The following SRGAP3 variants were observed in gnomAD, a reference collection of about 807,000 sequenced individuals.
SRGAP3 encodes the protein SLIT-ROBO Rho GTPase activating protein 3.
In SRGAP3, 39 loss-of-function variants were observed where a neutral mutation model predicts 121.1. The ratio of observed to expected loss-of-function variants is 0.32; its 90% CI spans 0.25 to 0.42. SRGAP3 has a LOEUF of 0.42. Among genes scored for constraint, SRGAP3 ranks in the 10% least tolerant of loss-of-function variants. The probability of loss-of-function intolerance (pLI) is 1.00; values close to 1 mark genes in which losing one functional copy is unlikely to be tolerated. For missense variants in SRGAP3, 1,213 were observed against 1,470.6 expected (o/e 0.82, Z 2.86); for synonymous variants, 601 against 570.0 (o/e 1.05, Z -0.77).
chr3:9,041,897 T>C (rs1310456923), intron 10 of SRGAP3, among the ~76,000 whole-genome samples: 1 of 152,104 alleles, frequency 6.6e-6, no homozygotes, highest in Non-Finnish European at 1.5e-5. Flanking sequence ...GGTCAGGAGT[T>C]TGAGACCAGC....
intron 1 of SRGAP3, among the ~76,000 whole-genome samples, chr3:9,203,858 G>C (rs1317343316): frequency 6.6e-6 from 1 of 152,196 alleles, no homozygotes; most frequent in Non-Finnish European, 1.5e-5. Flanking sequence ...GATTTCATTT[G>C]ATCCTCATAA....
chr3:9,227,833 C>T (rs1045167077), intron 1 of SRGAP3, among the ~76,000 whole-genome samples: 2 of 152,192 alleles, frequency 1.3e-5, no homozygotes, highest in South Asian at 2.1e-4. Context: ...TACAGCAGCA[C>T]TTCTTGTTGG....
intron 2 of SRGAP3, among the ~76,000 whole-genome samples, chr3:9,111,717 T>C (rs1948630368): frequency 6.6e-6 from 1 of 152,130 alleles, no homozygotes; most frequent in South Asian, 2.1e-4. Context: ...CCCTTTGACC[T>C]GAGATCCAGC....
intron 8 of SRGAP3, among the ~76,000 whole-genome samples, chr3:9,055,008 C>T (rs891855809): frequency 6.6e-6 from 1 of 152,170 alleles, no homozygotes; most frequent in African/African-American, 2.4e-5. Flanking sequence ...ATTTAAATTC[C>T]ATTAACATTA....
intron 1 of SRGAP3, among the ~76,000 whole-genome samples, chr3:9,187,090 C>T (rs1249831774): frequency 6.6e-6 from 1 of 152,048 alleles, no homozygotes; most frequent in Non-Finnish European, 1.5e-5. Context: ...TTAGGTATTT[C>T]TCCTAATGCT....
intron 14 of SRGAP3, among the ~76,000 whole-genome samples, chr3:9,017,667 A>T (rs1490091630): frequency 6.6e-6 from 1 of 152,196 alleles, no homozygotes; most frequent in Non-Finnish European, 1.5e-5. Flanking sequence ...AAGTAACGTT[A>T]TGATGATGAT....
At chr3:9,027,284 T>C (rs535917481) in intron 12 of SRGAP3, among the ~76,000 whole-genome samples, 1 of 152,314 alleles carries the variant, frequency 6.6e-6, no homozygotes, top group African/African-American at 2.4e-5. Context: ...ACTTGGGCAG[T>C]GGAGAGGGAA....
chr3:9,079,438 C>T (rs1423025718), intron 4 of SRGAP3, among the ~76,000 whole-genome samples: 1 of 152,190 alleles, frequency 6.6e-6, no homozygotes, highest in Non-Finnish European at 1.5e-5. Context: ...TAAAACTCAT[C>T]TCAAGCACAG....
At chr3:9,244,492 C>T (rs1245929295) in intron 1 of SRGAP3, among the ~76,000 whole-genome samples, 1 of 151,008 alleles carries the variant, frequency 6.6e-6, no homozygotes, top group African/African-American at 2.4e-5. Context: ...AATTTTCTAT[C>T]AGGTTGCAAT....
chr3:9,176,059 C>T (rs1158510498), intron 1 of SRGAP3, among the ~76,000 whole-genome samples: 3 of 152,146 alleles, frequency 2.0e-5, no homozygotes, highest in Non-Finnish European at 2.9e-5. Context: ...GTAGCTGGGA[C>T]TACAGGCACG....
upstream of SRGAP3, among the ~76,000 whole-genome samples, chr3:9,250,377 C>T (rs975083461): frequency 6.6e-6 from 1 of 152,168 alleles, no homozygotes; most frequent in Admixed American, 6.5e-5. Context: ...CAGTTTCCAC[C>T]ATTCATGCTA....
chr3:9,343,661 T>C (rs1214879635), intron 1 of SRGAP3, among the ~76,000 whole-genome samples: 2 of 152,148 alleles, frequency 1.3e-5, no homozygotes, highest in African/African-American at 2.4e-5. Context: ...TTATGCATAC[T>C]CTTATATGCT....
chr3:9,056,919 T>C (rs756090113), intron 7 of SRGAP3, among the ~76,000 whole-genome samples: 5 of 152,158 alleles, frequency 3.3e-5, no homozygotes, highest in Non-Finnish European at 7.4e-5. Flanking sequence ...TCTCACTCTG[T>C]CACCCAGGCT....
At chr3:9,050,950 G>T (rs1030020087) in intron 9 of SRGAP3, among the ~76,000 whole-genome samples, 1 of 151,690 alleles carries the variant, frequency 6.6e-6, no homozygotes, top group Non-Finnish European at 1.5e-5. Context: ...GATGGAGGTG[G>T]AAGTTAGAAT....
chr3:9,239,094 G>A lies in SRGAP3; in HGVS notation c.67+9791C>T, dbSNP rs1953531348. The stretch of plus-strand genomic sequence containing the variant: ...CTGTCACCCCCAGCAGAATAAAGAT[G>A]TGAGGCCGGCCGCAGTGGCTCACAC... On this transcript the variant is annotated intron_variant, in intron 1 of 21. Coordinates refer to ENST00000383836, the MANE Select transcript of SRGAP3 (RefSeq NM_014850.4). The surrounding 1 kb of genome is among the most constrained non-coding windows in gnomAD (Gnocchi z 4.0). Among the ~76,000 whole-genome samples, 3 of 152,154 alleles carry A rather than the reference G, an allele frequency of 2.0e-5. No homozygotes were observed. Among genetic ancestry groups the A allele is most frequent in the African/African-American group, 7.2e-5 (3 of 41,434 alleles).
intron 1 of SRGAP3, among the ~76,000 whole-genome samples, chr3:9,138,045 G>A (rs1303545573): frequency 3.3e-5 from 5 of 152,178 alleles, no homozygotes; most frequent in East Asian, 1.9e-4. Context: ...TTCCAGCTGC[G>A]TCCTCTGACT....
intron 1 of SRGAP3, among the ~76,000 whole-genome samples, chr3:9,360,801 T>C (rs2030757566): frequency 6.6e-6 from 1 of 152,180 alleles, no homozygotes; most frequent in Non-Finnish European, 1.5e-5. Context: ...CCTCCCACAA[T>C]ATATGGGAAT....
chr3:9,333,254 G>C (rs1233036481), intron 1 of SRGAP3, among the ~76,000 whole-genome samples: 1 of 152,186 alleles, frequency 6.6e-6, no homozygotes, highest in Non-Finnish European at 1.5e-5. Flanking sequence ...AAATACTGTA[G>C]TGGTGTTTAG....
At chr3:9,042,223 G>C (rs1945051404) in intron 10 of SRGAP3, among the ~76,000 whole-genome samples, 1 of 151,774 alleles carries the variant, frequency 6.6e-6, no homozygotes, top group Non-Finnish European at 1.5e-5. Context: ...AAATCAATAA[G>C]ATATTTTCTA....
Sources: gnomAD v4.1 joint callset for allele counts (sites outside exome capture counted in the v4.1 genomes callset) on GRCh38, gnomAD v4.1.1 for gene constraint, Gnocchi (gnomAD v3.1) non-coding constraint, MANE v1.5 for transcripts, NCBI Gene and HGNC (gene_info 2026-07-23, HGNC 2026-07-21) for gene names.